The following DLG5 variants were observed in gnomAD, a reference collection of about 807,000 sequenced individuals.
DLG5 encodes the protein disks large homolog 5.
A neutral mutation model predicts 189.8 loss-of-function variants in DLG5; 48 were observed. That is an observed-to-expected ratio of 0.25 (90% CI 0.20 to 0.32). The LOEUF (loss-of-function observed/expected upper bound fraction) is 0.32. Among genes scored for constraint, DLG5 ranks in the 10% least tolerant of loss-of-function variants. The pLI, the probability that DLG5 is intolerant of heterozygous loss-of-function variation, is 1.00. For missense variants in DLG5, 2,160 were observed against 2,544.7 expected (o/e 0.85, Z 3.25); for synonymous variants, 1,016 against 1,054.1 (o/e 0.96, Z 0.70).
intron 9 of DLG5, among the ~76,000 whole-genome samples, chr10:77,831,408 T>A (rs1463729041): frequency 3.3e-5 from 5 of 151,700 alleles, no homozygotes; most frequent in African/African-American, 4.9e-5. Context: ...AAAAAAAAAA[T>A]AAAATTTAAT....
rs574193940 is a variant in DLG5, at chr10:77,882,275, CCAGGAG to C, written c.305-13084_305-13079del. On this transcript the variant is annotated intron_variant, in intron 1 of 31. Coordinates refer to ENST00000372391, the MANE Select transcript of DLG5 (RefSeq NM_004747.4). ...GCTTTGGCCACCTCCTAATCAGTGA[CCAGGAG>C]CAAATACTTTTTCTGAGCCTCGGTG... 2.4e-3 allele frequency among the ~76,000 whole-genome samples: 362 copies of C among 152,300 alleles called. 2 individuals are homozygous for C. In the South Asian group the frequency reaches 0.024, roughly 10 times the overall value.
At chr10:77,858,799 T>C (rs1040885035) in intron 2 of DLG5, among the ~76,000 whole-genome samples, 3 of 152,194 alleles carry the variant, frequency 2.0e-5, no homozygotes, top group Non-Finnish European at 4.4e-5. Context: ...ATTTTTAAAA[T>C]AGAAAAAGCC....
intron 1 of DLG5, among the ~76,000 whole-genome samples, chr10:77,921,724 G>C (rs12220328): frequency 0.21 from 32,308 of 152,136 alleles, 3,696 homozygotes; most frequent in South Asian, 0.27. Context: ...CAGCACATTC[G>C]TGAAGCTCTC....
At chr10:77,819,699 A>G in intron 16 of DLG5, 196 bp downstream of exon 16, 1 of 1,089,934 alleles carries the variant, frequency 9.2e-7, no homozygotes, top group Non-Finnish European at 1.3e-6. Context: ...TATGGGGAGA[A>G]AGCATGTTGA....
chr10:77,856,451 G>GGGAC (rs1334687165), intron 3 of DLG5, among the ~76,000 whole-genome samples: 1 of 94,188 alleles, frequency 1.1e-5, no homozygotes, highest in Non-Finnish European at 2.1e-5. Flanking sequence ...GACAGTGGTA[G>GGGAC]GGACACACAC....
Position 77,869,181 on chromosome 10 carries a change from G to C in DLG5, c.321C>G (p.Val107=). The C allele has an allele frequency of 2.5e-6, 4 of 1,613,818 alleles. No individual in the cohort carries two copies. The East Asian group carries it at 6.7e-5, about 27-fold the overall frequency. ...PAEGAGSTYS[V]LSTMPSDSES... ...CTGAGTCTGAGGGCATGGTGGACAG[G>C]ACGCTGTAGGTAGAACCTGGGGAAA... is the stretch of plus-strand genomic sequence containing the variant. Residue 107 remains valine (V), a synonymous_variant, in exon 2 of 32, where the codon GTC becomes GTG. Transcript: ENST00000372391.
rs560647086 is a variant in DLG5, at chr10:77,889,126, G to C, written c.305-19929C>G. Among the ~76,000 whole-genome samples, 329 of 137,886 alleles carry C rather than the reference G, an allele frequency of 2.4e-3. 2 individuals carry two copies. Among genetic ancestry groups the C allele is most frequent in the Non-Finnish European group, 4.2e-3 (270 of 64,150 alleles). The allele number at this position is 137,886 out of a possible 152,430, so 90.5% of individuals were successfully genotyped here. A position where few individuals can be genotyped will look rare whatever the true frequency, so the allele number is the denominator to read the frequency against. ...TCACAAGCCCACAGGTAACCTCCCA[G>C]GCCTCACAAGCCCACAGGTAACCTC... On this transcript the variant is annotated intron_variant, in intron 1 of 31. Transcript: ENST00000372391.
chr10:77,857,060 T>C (rs1175374603), intron 2 of DLG5, among the ~76,000 whole-genome samples, 168 bp from the exon 3 acceptor site: 1 of 152,042 alleles, frequency 6.6e-6, no homozygotes, highest in African/African-American at 2.4e-5. Context: ...CGGTAGCAGG[T>C]AGAACTGAAA....
At chr10:77,838,343 C>T (rs1843249840) in intron 7 of DLG5, among the ~76,000 whole-genome samples, 1 of 152,160 alleles carries the variant, frequency 6.6e-6, no homozygotes, top group Non-Finnish European at 1.5e-5. Flanking sequence ...CCTCAACTCC[C>T]CAGGCAGTTC....
intron 13 of DLG5, among the ~76,000 whole-genome samples, chr10:77,827,646 A>G (rs1184216747): frequency 1.3e-5 from 2 of 152,240 alleles, no homozygotes; most frequent in African/African-American, 4.8e-5. Flanking sequence ...GGCTCTGTGC[A>G]CACAGGTAAA....
chr10:77,887,851 A>G (rs1845484807), intron 1 of DLG5, among the ~76,000 whole-genome samples: 1 of 152,234 alleles, frequency 6.6e-6, no homozygotes. Context: ...CAGGCTCCAG[A>G]GCCACACGCC....
chr10:77,850,769 G>A lies in DLG5; in HGVS notation c.864+2585C>T, dbSNP rs144973867. Reference sequence around the variant, plus strand: ...GAGCGCCTCATACACACGGGCACGCGGCGCCAGTGCCTTCTACGCAGTGTC... The same window carrying A: ...GAGCGCCTCATACACACGGGCACGCAGCGCCAGTGCCTTCTACGCAGTGTC... On this transcript the variant is annotated intron_variant, in intron 5 of 31. Transcript: ENST00000372391. Among the ~76,000 whole-genome samples, 319 of 152,290 alleles carry A rather than the reference G, an allele frequency of 2.1e-3. 1 individual carries two copies. The highest frequency in any genetic ancestry group is 0.014 in the Middle Eastern group (4 of 294).
chr10:77,862,223 T>C (rs1844499469), intron 2 of DLG5, among the ~76,000 whole-genome samples: 2 of 152,118 alleles, frequency 1.3e-5, no homozygotes. Context: ...AGCTCACTAC[T>C]TCCCAGCAGA....
chr10:77,883,844 C>T (rs1845359672), intron 1 of DLG5, among the ~76,000 whole-genome samples: 1 of 151,938 alleles, frequency 6.6e-6, no homozygotes, highest in Non-Finnish European at 1.5e-5. Context: ...TTACAGGTAC[C>T]TGCCACCAGA....
intron 2 of DLG5, among the ~76,000 whole-genome samples, chr10:77,864,607 A>C (rs1446340648): frequency 1.3e-5 from 2 of 152,196 alleles, no homozygotes. Flanking sequence ...AAACCCTGGG[A>C]GTAAGTCCCT....
chr10:77,794,702 A>G (rs1049168346), intron 30 of DLG5, 147 bp downstream of exon 30: 1 of 636,884 alleles, frequency 1.6e-6, no homozygotes, highest in Admixed American at 2.8e-5. Context: ...GGGAAGGGTC[A>G]TTTTCTACAC....
At chr10:77,847,668 A>G (rs549386996) in intron 5 of DLG5, among the ~76,000 whole-genome samples, 38 of 148,922 alleles carry the variant, frequency 2.6e-4, no homozygotes, top group African/African-American at 8.5e-4. Context: ...ACGAGTGCGC[A>G]CACACACACA....
At chr10:77,900,459 T>C (rs1845890309) in intron 1 of DLG5, among the ~76,000 whole-genome samples, 1 of 152,170 alleles carries the variant, frequency 6.6e-6, no homozygotes, top group Non-Finnish European at 1.5e-5. Context: ...AGTTATCTCC[T>C]TCAGGAGACA....
At chr10:77,913,729 C>T (rs1437276073) in intron 1 of DLG5, among the ~76,000 whole-genome samples, 1 of 152,106 alleles carries the variant, frequency 6.6e-6, no homozygotes, top group Non-Finnish European at 1.5e-5. Flanking sequence ...GCTGGGGATA[C>T]AGGCAGTGTC....
Sources: allele counts gnomAD v4.1 joint callset (sites outside exome capture counted in the v4.1 genomes callset), GRCh38; gene constraint gnomAD v4.1.1; transcripts MANE v1.5; gene names NCBI Gene and HGNC (gene_info 2026-07-23, HGNC 2026-07-21).